Variants in GLIS3 observed in about 807,000 individuals in gnomAD.
GLIS3 encodes the protein GLIS family zinc finger 3.
Under a neutral mutation model 78.6 loss-of-function variants are expected in GLIS3, and 53 were observed. That is an observed-to-expected ratio of 0.67 (90% CI 0.54 to 0.85). GLIS3 has a LOEUF of 0.85. Among genes scored for constraint, GLIS3 ranks in the 40% least tolerant of loss-of-function variants. The pLI, the probability that GLIS3 is intolerant of heterozygous loss-of-function variation, is 0.00. For missense variants in GLIS3, 1,703 were observed against 1,231.1 expected, an observed-to-expected ratio of 1.38 and a Z score of -5.74; for synonymous variants, 684 against 509.9, an observed-to-expected ratio of 1.34 and a Z score of -4.60.
chr9:3,903,266 C>T (rs1823443961), intron 6 of GLIS3, among the ~76,000 whole-genome samples: 1 of 152,108 alleles, frequency 6.6e-6, no homozygotes, highest in Non-Finnish European at 1.5e-5. Context: ...TTCTTAAAAA[C>T]AACTTGGATT....
intron 4 of GLIS3, among the ~76,000 whole-genome samples, chr9:4,005,930 T>C (rs913261903): frequency 2.6e-5 from 4 of 152,224 alleles, no homozygotes; most frequent in Non-Finnish European, 5.9e-5. Context: ...GCTGAATTAC[T>C]ACAGTACTAC....
chr9:3,855,192 C>A (rs1819687320), intron 9 of GLIS3, among the ~76,000 whole-genome samples: 1 of 152,186 alleles, frequency 6.6e-6, no homozygotes, highest in South Asian at 2.1e-4. Context: ...CCTGAAATGG[C>A]AAAATGAGTC....
intron 8 of GLIS3, among the ~76,000 whole-genome samples, chr9:3,873,548 T>C (rs1362414828): frequency 6.6e-6 from 1 of 152,190 alleles, no homozygotes; most frequent in Non-Finnish European, 1.5e-5. Context: ...ATAAAAAACA[T>C]ATTGTGCTTG....
At chr9:4,173,788 T>C (rs2131140735) in intron 2 of GLIS3, among the ~76,000 whole-genome samples, 1 of 152,142 alleles carries the variant, frequency 6.6e-6, no homozygotes, top group African/African-American at 2.4e-5. Context: ...ATATACATGT[T>C]ATTGAAAAGT....
chr9:4,282,290 T>C (rs906748305), intron 2 of GLIS3, among the ~76,000 whole-genome samples: 3 of 152,188 alleles, frequency 2.0e-5, no homozygotes, highest in Non-Finnish European at 4.4e-5. Context: ...GGCCACTTGG[T>C]GCCCCAATAT....
intron 1 of GLIS3, among the ~76,000 whole-genome samples, chr9:4,289,657 G>C (rs1411435): frequency 6.6e-6 from 1 of 152,086 alleles, no homozygotes; most frequent in Non-Finnish European, 1.5e-5. Flanking sequence ...CAGGCTACCA[G>C]TAACAAAAAC....
At chr9:4,449,659 T>C in the GLIS3 span, among the ~76,000 whole-genome samples, 1 of 152,180 alleles carries the variant, frequency 6.6e-6, no homozygotes, top group East Asian at 1.9e-4. Context: ...TGTTCTGCAA[T>C]ATTTGCTGCT....
chr9:3,900,503 C>T (rs932108197), intron 6 of GLIS3, among the ~76,000 whole-genome samples: 1 of 151,570 alleles, frequency 6.6e-6, no homozygotes, highest in Admixed American at 6.6e-5. Context: ...AAAATATACA[C>T]ATATATATAT....
intron 4 of GLIS3, among the ~76,000 whole-genome samples, chr9:4,012,463 G>C (rs1822096501): frequency 6.6e-6 from 1 of 152,128 alleles, no homozygotes; most frequent in South Asian, 2.1e-4. Context: ...AAAAAAAACA[G>C]TCAATGATCA....
the GLIS3 span, among the ~76,000 whole-genome samples, chr9:4,448,261 T>A: frequency 6.6e-6 from 1 of 152,188 alleles, no homozygotes; most frequent in Admixed American, 6.5e-5. Context: ...GATCATTTCA[T>A]CTCGTGTTTT....
the GLIS3 span, among the ~76,000 whole-genome samples, chr9:4,489,414 C>G: frequency 2.0e-5 from 3 of 152,036 alleles, no homozygotes; most frequent in Admixed American, 2.0e-4. Context: ...TTCTCCCTAC[C>G]CACAATCAGA....
At chr9:4,232,357 G>A (rs1306634812) in intron 2 of GLIS3, among the ~76,000 whole-genome samples, 1 of 148,130 alleles carries the variant, frequency 6.8e-6, no homozygotes. Context: ...CTCAAGCCTG[G>A]GTGACAGAGG....
At chr9:4,385,788 A>G in the GLIS3 span, among the ~76,000 whole-genome samples, 1 of 81,262 alleles carries the variant, frequency 1.2e-5, no homozygotes, top group East Asian at 2.5e-4. Context: ...AAAGAAAGAA[A>G]GAAAGAAAGA....
intron 7 of GLIS3, among the ~76,000 whole-genome samples, chr9:3,885,511 G>A (rs1180438243): frequency 6.6e-6 from 1 of 152,214 alleles, no homozygotes; most frequent in Non-Finnish European, 1.5e-5. Context: ...GTAATGTTGA[G>A]ATCCTGACAA....
At chr9:4,127,652 G>C (rs1440573598) in intron 2 of GLIS3, among the ~76,000 whole-genome samples, 1 of 152,038 alleles carries the variant, frequency 6.6e-6, no homozygotes, top group East Asian at 1.9e-4. Context: ...AAAAGGCAAT[G>C]TGATGGTTCA....
the GLIS3 span, among the ~76,000 whole-genome samples, chr9:4,419,474 G>A: frequency 0.02 from 3,068 of 152,210 alleles, 110 homozygotes; most frequent in African/African-American, 0.07. Context: ...AGAGAGGGAA[G>A]GGAGGTGCTA....
rs575968330 is a variant in GLIS3, at chr9:4,142,033, C to A, written c.389-16092G>T. 3.3e-5 allele frequency among the ~76,000 whole-genome samples: 5 copies of A among 152,294 alleles called. No homozygotes were observed. The East Asian group carries it at 7.7e-4, about 23-fold the overall frequency. ...GATGCGAATCCAGACACGGTACCAGCAATAACTCCCAACTAATCATATCTG... is the reference window on the plus strand; with the variant it reads ...GATGCGAATCCAGACACGGTACCAGAAATAACTCCCAACTAATCATATCTG... On this transcript the variant is annotated intron_variant, in intron 2 of 10. Transcript: ENST00000381971.
intron 3 of GLIS3, among the ~76,000 whole-genome samples, chr9:4,123,446 C>G (rs1034845765): frequency 6.6e-6 from 1 of 151,918 alleles, no homozygotes; most frequent in African/African-American, 2.4e-5. Context: ...AATTGTGCAA[C>G]AAAAGATGTA....
At position 3,958,506 on chromosome 9, in the gene GLIS3, C is replaced by G. The variant is rs1204523954; in HGVS notation, c.1711-21317G>C. Reference sequence around the variant, plus strand: ...CCTACAAATCTCCGCATTCTCCCCACTCTATTCTGCTATTCCAACAGTCTT... The same window carrying G: ...CCTACAAATCTCCGCATTCTCCCCAGTCTATTCTGCTATTCCAACAGTCTT... On this transcript the variant is annotated intron_variant, in intron 4 of 10. Coordinates refer to ENST00000381971, the MANE Select transcript of GLIS3 (RefSeq NM_001042413.2). Among the ~76,000 whole-genome samples the G allele has an allele frequency of 2.0e-5, 3 of 152,306 alleles. No homozygotes were observed. The East Asian group carries it at 5.8e-4, about 29-fold the overall frequency.
Sources: allele counts gnomAD v4.1 joint callset (sites outside exome capture counted in the v4.1 genomes callset), GRCh38; gene constraint gnomAD v4.1.1; transcripts MANE v1.5; gene names NCBI Gene and HGNC (gene_info 2026-07-23, HGNC 2026-07-21).